Variants in ZNF644 observed in about 807,000 individuals in gnomAD.
ZNF644 encodes zinc finger motif enhancer binding protein 2.
Under a neutral mutation model 108.0 loss-of-function variants are expected in ZNF644, and 20 were observed. The observed-to-expected ratio is 0.19, with a 90% CI of 0.13 to 0.27. The LOEUF is 0.27. Ranked by LOEUF, ZNF644 falls within the 10% of genes least tolerant of loss-of-function variation. The probability of loss-of-function intolerance (pLI) is 1.00; values close to 1 mark genes in which losing one functional copy is unlikely to be tolerated. For synonymous variants in ZNF644, 542 were observed against 539.1 expected (o/e 1.01, Z -0.08); for missense variants, 1,338 against 1,548.9 (o/e 0.86, Z 2.29).
In ZNF644 at chr1:90,940,513, G is replaced by A. The variant is rs1651847015; in HGVS notation, c.841C>T (p.Pro281Ser). Reference sequence around the variant, plus strand: ...TTTTCTAGACCTATTTTAGAATGAGGTGGAGCTTTATCTACTGTTTCCTCA... The same window carrying A: ...TTTTCTAGACCTATTTTAGAATGAGATGGAGCTTTATCTACTGTTTCCTCA... ...TNEETVDKAP[P>S]HSKIGLEKKR... The change falls in exon 3 of 6, where the codon CCT (proline) becomes TCT (serine). Residue 281 changes from proline to serine, a missense_variant. Physicochemically the swap from Pro to Ser is moderately conservative, Grantham distance 74. Coordinates refer to ENST00000337393, the MANE Select transcript of ZNF644 (RefSeq NM_201269.3). The A allele has an allele frequency of 6.2e-7, 1 of 1,613,802 alleles. No homozygotes were observed. Among genetic ancestry groups the A allele is most frequent in the South Asian group, 1.1e-5 (1 of 91,072 alleles).
At chr1:91,004,636 T>C (rs187949969) in intron 1 of ZNF644, among the ~76,000 whole-genome samples, 3 of 152,294 alleles carry the variant, frequency 2.0e-5, no homozygotes, top group Admixed American at 6.5e-5. Flanking sequence ...TTTGTAACTT[T>C]TTCTTCTCCT....
At chr1:90,918,996 AAT>A (rs946145919) in intron 4 of ZNF644, among the ~76,000 whole-genome samples, 5 of 152,168 alleles carry the variant, frequency 3.3e-5, no homozygotes, top group Non-Finnish European at 5.9e-5. Flanking sequence ...AAAAAATTAA[AAT>A]AGACCAAAAT....
intron 2 of ZNF644, among the ~76,000 whole-genome samples, chr1:90,948,644 C>T (rs997117022): frequency 6.6e-6 from 1 of 152,070 alleles, no homozygotes; most frequent in East Asian, 1.9e-4. Flanking sequence ...GGTTTGGGTG[C>T]GGATGCAGAA....
At chr1:90,952,970 C>T (rs1348090001) in intron 2 of ZNF644, among the ~76,000 whole-genome samples, 1 of 121,634 alleles carries the variant, frequency 8.2e-6, no homozygotes, top group African/African-American at 3.1e-5. Context: ...AAAGCAGCCA[C>T]AGAAAAAAAG....
chr1:90,997,902 C>T (rs1658314085), intron 1 of ZNF644, among the ~76,000 whole-genome samples: 1 of 152,222 alleles, frequency 6.6e-6, no homozygotes, highest in South Asian at 2.1e-4. Flanking sequence ...AGATTATATC[C>T]CTCGCGTGGC....
In ZNF644 at chr1:90,938,737, C is replaced by A; in HGVS notation, c.2617G>T (p.Ala873Ser). Residue 873 changes from alanine to serine, a missense_variant, in exon 3 of 6, where the codon GCC becomes TCC. By Grantham distance (99) the Ala-to-Ser change is moderately conservative. Coordinates refer to ENST00000337393, the MANE Select transcript of ZNF644 (RefSeq NM_201269.3). The surrounding 1 kb of genome is among the most constrained non-coding windows in gnomAD (Gnocchi z 4.2). Reference protein sequence around the residue: ...NVELGDYTTQAIEDETYSDIN... With the variant: ...NVELGDYTTQSIEDETYSDIN... Reference sequence around the variant, plus strand: ...TCACTATAGGTTTCATCTTCTATGGCCTGTGTAGTGTAGTCTCCTAACTCA... The same window carrying A: ...TCACTATAGGTTTCATCTTCTATGGACTGTGTAGTGTAGTCTCCTAACTCA... The A allele has an allele frequency of 1.9e-6, 3 of 1,613,884 alleles. No homozygotes were observed. Among genetic ancestry groups the A allele is most frequent in the Non-Finnish European group, 2.5e-6 (3 of 1,179,866 alleles).
intron 1 of ZNF644, among the ~76,000 whole-genome samples, chr1:91,014,339 AATATT>A: frequency 6.6e-6 from 1 of 152,304 alleles, no homozygotes; most frequent in Non-Finnish European, 1.5e-5. Context: ...TTATGAATTA[AATATT>A]ATATTAGGAA....
At chr1:90,992,683 G>A (rs550311687) in intron 1 of ZNF644, among the ~76,000 whole-genome samples, 1 of 152,310 alleles carries the variant, frequency 6.6e-6, no homozygotes, top group East Asian at 1.9e-4. Flanking sequence ...AAGCCTGATT[G>A]TGAATAGCCC....
intron 2 of ZNF644, among the ~76,000 whole-genome samples, chr1:90,950,226 G>A (rs1265776076): frequency 2.2e-5 from 3 of 137,480 alleles, no homozygotes; most frequent in Admixed American, 1.5e-4. Context: ...GCAGTGAGCC[G>A]AGATCGTGCC....
At chr1:90,971,869 T>C (rs1655517368) in intron 2 of ZNF644, among the ~76,000 whole-genome samples, 1 of 152,196 alleles carries the variant, frequency 6.6e-6, no homozygotes, top group Non-Finnish European at 1.5e-5. Flanking sequence ...CAGGCCCTTT[T>C]TTCATCATTT....
At chr1:91,013,279 T>C (rs140270791) in intron 1 of ZNF644, among the ~76,000 whole-genome samples, 190 of 152,138 alleles carry the variant, frequency 1.2e-3, no homozygotes, top group Non-Finnish European at 2.4e-3. Context: ...TTTCATCATA[T>C]TGGCCAAGCT....
chr1:90,966,411 T>C (rs1654891373), intron 2 of ZNF644, among the ~76,000 whole-genome samples: 1 of 152,162 alleles, frequency 6.6e-6, no homozygotes, highest in African/African-American at 2.4e-5. Flanking sequence ...AAATAGTGCC[T>C]AGAGTGTTCC....
chr1:91,008,623 C>T (rs1442040848), intron 1 of ZNF644, among the ~76,000 whole-genome samples: 1 of 152,078 alleles, frequency 6.6e-6, no homozygotes, highest in Non-Finnish European at 1.5e-5. Flanking sequence ...ATACAGAAAC[C>T]CCATTTTTCA....
rs770569882 is a variant in ZNF644, at chr1:90,916,960, C to T, written c.3822G>A (p.Leu1274=). ...RFCGLVFRGP[L]SVQEDWIKHL... is the part of the protein sequence containing the mutation. ...GCTTAATCCAGTCTTCCTGAACAGA[C>T]AAGGGTCCTCGAAAGACTAGGCCAC... Residue 1274 remains leucine (L), a synonymous_variant, in exon 6 of 6, where the codon TTG becomes TTA. Transcript: ENST00000337393. The T allele has an allele frequency of 3.1e-6, 5 of 1,614,170 alleles. No homozygotes were observed. The highest frequency in any genetic ancestry group is 1.1e-5 in the South Asian group (1 of 91,082).
chr1:91,018,584 A>T (rs1326499446), intron 1 of ZNF644, among the ~76,000 whole-genome samples: 3 of 152,228 alleles, frequency 2.0e-5, no homozygotes. Context: ...AGGGTTAGAT[A>T]ACTCAACATG....
intron 1 of ZNF644, among the ~76,000 whole-genome samples, chr1:90,987,745 G>A (rs1368619495): frequency 1.3e-5 from 2 of 151,834 alleles, no homozygotes; most frequent in African/African-American, 2.4e-5. Flanking sequence ...AATTATAGAC[G>A]TATATCTGTG....
intron 1 of ZNF644, among the ~76,000 whole-genome samples, chr1:90,983,481 CAAAAAAAAAAA>C (rs768476839): frequency 6.3e-5 from 4 of 63,426 alleles, no homozygotes; most frequent in East Asian, 7.7e-4. Context: ...CCTCATATGG[CAAAAAAAAAAA>C]AAAAAAAAAG....
At chr1:91,014,254 C>T (rs1001007566) in intron 1 of ZNF644, among the ~76,000 whole-genome samples, 3 of 152,008 alleles carry the variant, frequency 2.0e-5, no homozygotes, top group African/African-American at 7.2e-5. Context: ...AGTTACTATG[C>T]CCCACAAATT....
chr1:90,955,901 G>A (rs779016847), intron 2 of ZNF644, among the ~76,000 whole-genome samples: 3 of 152,178 alleles, frequency 2.0e-5, no homozygotes, highest in Non-Finnish European at 4.4e-5. Flanking sequence ...CTTTTGGCCT[G>A]TCTCATCTTG....
Sources: gnomAD v4.1 joint callset for allele counts (sites outside exome capture counted in the v4.1 genomes callset) on GRCh38, gnomAD v4.1.1 for gene constraint, Gnocchi (gnomAD v3.1) non-coding constraint, MANE v1.5 for transcripts, NCBI Gene and HGNC (gene_info 2026-07-23, HGNC 2026-07-21) for gene names.